Variants in ATP10B observed in about 807,000 individuals in gnomAD.
The protein encoded by ATP10B is phospholipid-transporting ATPase VB.
A neutral mutation model predicts 141.2 loss-of-function variants in ATP10B; 122 were observed. That is an observed-to-expected ratio of 0.86 (90% CI 0.75 to 1.00). The LOEUF is 1.00. Ranked by LOEUF, ATP10B falls within the 50% of genes least tolerant of loss-of-function variation. The pLI is 0.00. For synonymous variants in ATP10B, 685 were observed against 692.0 expected (o/e 0.99, Z 0.16); for missense variants, 1,876 against 1,825.3 (o/e 1.03, Z -0.51).
intron 3 of ATP10B, among the ~76,000 whole-genome samples, chr5:160,700,171 G>A (rs1434601345): frequency 6.6e-6 from 1 of 152,166 alleles, no homozygotes. Flanking sequence ...GAAGTTGTGG[G>A]GGAAGTGGCA....
At chr5:160,705,824 G>A (rs534144077) in intron 3 of ATP10B, among the ~76,000 whole-genome samples, 2 of 152,322 alleles carry the variant, frequency 1.3e-5, no homozygotes, top group African/African-American at 4.8e-5. Flanking sequence ...TTTGGTGCAA[G>A]AGGCCTAGAT....
At chr5:160,618,925 G>A (rs1314408594) in intron 15 of ATP10B, among the ~76,000 whole-genome samples, 1 of 152,110 alleles carries the variant, frequency 6.6e-6, no homozygotes, top group East Asian at 1.9e-4. Context: ...TGTATATAAT[G>A]CAAAATTAAA....
At position 160,614,164 on chromosome 5, in the gene ATP10B, AAAC is replaced by A. The variant is rs1417866701; in HGVS notation, c.2654-1242_2654-1240del. ...GCATCTGAGGGCCATATGCACAGGT[AAAC>A]AACCCCATAAAAAGTGATGGCTTGA... On this transcript the variant is annotated intron_variant, in intron 17 of 25. Coordinates refer to ENST00000327245, the MANE Select transcript of ATP10B (RefSeq NM_025153.3). The A allele has an allele frequency of 6.6e-5, 10 of 152,244 alleles. No individual in the cohort carries two copies. The South Asian group carries it at 1.0e-3, about 16-fold the overall frequency. 9.4% of individuals were successfully genotyped at this position (152,244 alleles called of 1,614,324 possible).
intron 1 of ATP10B, among the ~76,000 whole-genome samples, chr5:160,820,104 T>G (rs1773985283): frequency 6.7e-6 from 1 of 150,328 alleles, no homozygotes; most frequent in Non-Finnish European, 1.5e-5. Context: ...ATTTTTTTTG[T>G]AAAAATAAAC....
At chr5:160,906,496 G>T in the ATP10B span, among the ~76,000 whole-genome samples, 1 of 152,144 alleles carries the variant, frequency 6.6e-6, no homozygotes, top group Non-Finnish European at 1.5e-5. Context: ...AATTGGTTTT[G>T]TTTCCTCTCA....
In ATP10B at chr5:160,569,559, T is replaced by C. The variant is rs1244505794; in HGVS notation, c.3875A>G (p.Gln1292Arg). 1.9e-6 allele frequency: 3 copies of C among 1,613,848 alleles called. No homozygotes were observed. The African/African-American group carries it at 4.0e-5, about 22-fold the overall frequency. Residue 1292 changes from glutamine to arginine, a missense_variant, in exon 25 of 26, where the codon CAG (glutamine) becomes CGG (arginine). By Grantham distance (43) the Gln-to-Arg change is conservative (BLOSUM62 1). Coordinates refer to ENST00000327245, the MANE Select transcript of ATP10B (RefSeq NM_025153.3). ...PTNPYWVMEG[Q>R]LSNPTFYLVC... is the part of the protein sequence containing the mutation. ...GAGGTAGAAAGTGGGGTTTGAGAGC[T>C]GGCCTTCCATCACCCAATAGGGATT...
intron 23 of ATP10B, among the ~76,000 whole-genome samples, chr5:160,589,906 C>T (rs1159106086): frequency 6.6e-6 from 1 of 152,066 alleles, no homozygotes; most frequent in Non-Finnish European, 1.5e-5. Flanking sequence ...AGGAGTAAGC[C>T]AAGATGGGGA....
chr5:160,621,529 T>C (rs1758350944), intron 14 of ATP10B, among the ~76,000 whole-genome samples: 1 of 152,222 alleles, frequency 6.6e-6, no homozygotes, highest in Non-Finnish European at 1.5e-5. Context: ...TGAATTAATT[T>C]TTAAGATAAA....
intron 6 of ATP10B, among the ~76,000 whole-genome samples, chr5:160,675,058 C>T (rs566161806): frequency 2.0e-5 from 3 of 152,214 alleles, no homozygotes; most frequent in South Asian, 2.1e-4. Context: ...GATGACTGGC[C>T]GAATCCTGCT....
intron 2 of ATP10B, among the ~76,000 whole-genome samples, chr5:160,778,181 A>G (rs112330767): frequency 6.6e-6 from 1 of 152,202 alleles, no homozygotes; most frequent in Non-Finnish European, 1.5e-5. Context: ...GTAAACACAT[A>G]AATAATTTTA....
intron 1 of ATP10B, among the ~76,000 whole-genome samples, chr5:160,806,859 A>C (rs1772810293): frequency 6.6e-6 from 1 of 152,190 alleles, no homozygotes; most frequent in Non-Finnish European, 1.5e-5. Flanking sequence ...GCCTTCTAGA[A>C]TTCACCATCT....
intron 1 of ATP10B, among the ~76,000 whole-genome samples, chr5:160,846,522 G>A (rs1038565328): frequency 6.6e-6 from 1 of 152,118 alleles, no homozygotes; most frequent in Non-Finnish European, 1.5e-5. Flanking sequence ...CGCCAAGCTA[G>A]TAGTTTTTAC....
At chr5:160,588,663 G>A (rs1168139695) in intron 24 of ATP10B, among the ~76,000 whole-genome samples, 2 of 152,056 alleles carry the variant, frequency 1.3e-5, no homozygotes, top group Admixed American at 6.6e-5. Context: ...AAACCTTATT[G>A]CATCTGCCAT....
chr5:160,700,850 C>T (rs1303666971), intron 3 of ATP10B, among the ~76,000 whole-genome samples: 1 of 152,166 alleles, frequency 6.6e-6, no homozygotes, highest in African/African-American at 2.4e-5. Flanking sequence ...TGCCTCCAAA[C>T]AGCCTCAGTA....
At chr5:160,725,354 C>A (rs149008901) in intron 2 of ATP10B, among the ~76,000 whole-genome samples, 1 of 152,204 alleles carries the variant, frequency 6.6e-6, no homozygotes, top group African/African-American at 2.4e-5. Context: ...GGGAAAACTA[C>A]CTTCTTCACT....
chr5:160,787,149 C>CA (rs1451024682), intron 1 of ATP10B, among the ~76,000 whole-genome samples: 1 of 140,428 alleles, frequency 7.1e-6, no homozygotes, highest in African/African-American at 2.7e-5. Flanking sequence ...CACACACACA[C>CA]ATTATTTGAA....
At chr5:160,733,191 T>C (rs1233465016) in intron 2 of ATP10B, among the ~76,000 whole-genome samples, 2 of 152,234 alleles carry the variant, frequency 1.3e-5, no homozygotes, top group Non-Finnish European at 2.9e-5. Context: ...AATTAATTTC[T>C]ATGTCTTTTT....
At chr5:160,831,701 A>T (rs910872730) in intron 1 of ATP10B, among the ~76,000 whole-genome samples, 1 of 152,132 alleles carries the variant, frequency 6.6e-6, no homozygotes, top group Non-Finnish European at 1.5e-5. Flanking sequence ...AAGACAATTC[A>T]TTGTGAAAAG....
intron 2 of ATP10B, among the ~76,000 whole-genome samples, chr5:160,783,334 C>A (rs1028044509): frequency 5.3e-5 from 8 of 149,644 alleles, no homozygotes; most frequent in African/African-American, 2.0e-4. Flanking sequence ...CAGGTCACTG[C>A]AAATGCTGTT....
Sources: gnomAD v4.1 joint callset for allele counts (sites outside exome capture counted in the v4.1 genomes callset) on GRCh38, gnomAD v4.1.1 for gene constraint, MANE v1.5 for transcripts, NCBI Gene and HGNC (gene_info 2026-07-23, HGNC 2026-07-21) for gene names.